IMPG1: variants seen among roughly 807,000 people sequenced by gnomAD.
The protein encoded by IMPG1 is interphotoreceptor matrix proteoglycan of 150 kDa.
In IMPG1, 85 loss-of-function variants were observed where a neutral mutation model predicts 92.0. That is an observed-to-expected ratio of 0.92 (90% confidence interval 0.78 to 1.11). IMPG1 has a LOEUF of 1.11. IMPG1 is among the 50% of genes least tolerant of loss of function. IMPG1 has a pLI of 0.00. For missense variants in IMPG1, 1,022 were observed against 956.0 expected (o/e 1.07, Z -0.91); for synonymous variants, 367 against 334.1 (o/e 1.10, Z -1.08).
intron 4 of IMPG1, among the ~76,000 whole-genome samples, chr6:76,028,266 A>C (rs572074171): frequency 2.0e-5 from 3 of 152,210 alleles, no homozygotes; most frequent in Non-Finnish European, 2.9e-5. Context: ...CATCCTTTTC[A>C]AAAGATAGTT....
At chr6:75,956,798 G>T (rs1474291208) in intron 12 of IMPG1, among the ~76,000 whole-genome samples, 2 of 152,074 alleles carry the variant, frequency 1.3e-5, no homozygotes, top group African/African-American at 4.8e-5. Flanking sequence ...TTGTGTCTTT[G>T]TTCTCATTGG....
intron 1 of IMPG1, among the ~76,000 whole-genome samples, chr6:76,064,994 A>G (rs1784283400): frequency 6.6e-6 from 1 of 152,090 alleles, no homozygotes; most frequent in Admixed American, 6.5e-5. Context: ...CAGTGAAAGC[A>G]CCCAGAACCA....
At chr6:75,927,679 G>A (rs1282228951) in intron 15 of IMPG1, among the ~76,000 whole-genome samples, 1 of 151,822 alleles carries the variant, frequency 6.6e-6, no homozygotes, top group Non-Finnish European at 1.5e-5. Flanking sequence ...GGTAATAAGG[G>A]CATTTCTCCC....
intron 2 of IMPG1, among the ~76,000 whole-genome samples, chr6:76,040,221 GCAAC>G (rs1783811736): frequency 2.0e-5 from 3 of 152,272 alleles, no homozygotes; most frequent in African/African-American, 7.2e-5. Flanking sequence ...AATGAAAGAG[GCAAC>G]CTAATCAAGA....
chr6:76,016,489 G>T (rs978452207), intron 7 of IMPG1, among the ~76,000 whole-genome samples: 1 of 152,176 alleles, frequency 6.6e-6, no homozygotes, highest in Non-Finnish European at 1.5e-5. Context: ...GTAGTTTTCT[G>T]GTTCATAAAT....
At chr6:76,053,892 CA>C (rs1019929499) in intron 1 of IMPG1, among the ~76,000 whole-genome samples, 4 of 151,964 alleles carry the variant, frequency 2.6e-5, no homozygotes, top group Admixed American at 1.3e-4. Context: ...GCATATATTA[CA>C]AAAAAAGAAT....
At chr6:75,982,699 T>C (rs902515220) in intron 12 of IMPG1, among the ~76,000 whole-genome samples, 1 of 151,884 alleles carries the variant, frequency 6.6e-6, no homozygotes, top group African/African-American at 2.4e-5. Flanking sequence ...ATAATGACTA[T>C]TTTTCTGAGC....
chr6:75,996,984 A>C (rs552317933), intron 12 of IMPG1, among the ~76,000 whole-genome samples: 113 of 152,336 alleles, frequency 7.4e-4, no homozygotes, highest in Non-Finnish European at 1.4e-3. Flanking sequence ...GAATTGCCAA[A>C]ATTTGAGGGA....
At chr6:76,015,349 G>A (rs1783266458) in intron 7 of IMPG1, among the ~76,000 whole-genome samples, 1 of 152,168 alleles carries the variant, frequency 6.6e-6, no homozygotes, top group Admixed American at 6.5e-5. Flanking sequence ...AGGGAGCCTG[G>A]GGAGGGAACA....
chr6:76,064,239 G>T (rs751961366), intron 1 of IMPG1, among the ~76,000 whole-genome samples: 7 of 152,130 alleles, frequency 4.6e-5, no homozygotes, highest in Non-Finnish European at 1.0e-4. Context: ...GCTGGGGCTT[G>T]CAGGAAAGGT....
intron 1 of IMPG1, among the ~76,000 whole-genome samples, chr6:76,056,102 A>G (rs781279280): frequency 6.6e-6 from 1 of 152,106 alleles, no homozygotes; most frequent in African/African-American, 2.4e-5. Context: ...ATAGTAGCAT[A>G]TAGAATCCAG....
At chr6:75,944,134 T>C (rs952248613) in intron 14 of IMPG1, among the ~76,000 whole-genome samples, 1 of 152,198 alleles carries the variant, frequency 6.6e-6, no homozygotes, top group African/African-American at 2.4e-5. Flanking sequence ...GAACCCAGCC[T>C]TCGCCTTTGG....
At chr6:75,989,470 A>G (rs931713031) in intron 12 of IMPG1, among the ~76,000 whole-genome samples, 4 of 152,212 alleles carry the variant, frequency 2.6e-5, no homozygotes, top group Non-Finnish European at 1.5e-5. Flanking sequence ...AAGCCCTTAA[A>G]TCAATGGCAA....
At chr6:76,023,101 T>A (rs971070059) in intron 5 of IMPG1, among the ~76,000 whole-genome samples, 2 of 152,180 alleles carry the variant, frequency 1.3e-5, no homozygotes, top group Admixed American at 6.5e-5. Context: ...GGGTGTGGAA[T>A]TGTGCTTCCT....
chr6:75,960,887 T>C lies in IMPG1; in HGVS notation c.1292-9793A>G, dbSNP rs572595912. Among the ~76,000 whole-genome samples, 4 of 152,182 alleles carry C rather than the reference T, an allele frequency of 2.6e-5. No homozygotes were observed. In the East Asian group the frequency reaches 7.7e-4, roughly 29 times the overall value. On this transcript the variant is annotated intron_variant, in intron 12 of 16. Transcript: ENST00000369950. ...TGTGTGGGTCTGTGAGGGTATGGAG[T>C]GTGTTTACGTGTATGTGTATGTGGC...
chr6:76,019,007 A>G (rs1295483101), intron 6 of IMPG1, 149 bp from the exon 7 acceptor site: 1 of 671,264 alleles, frequency 1.5e-6, no homozygotes, highest in Non-Finnish European at 2.3e-6. Flanking sequence ...TAGAACTTAG[A>G]GAAGAGCCTA....
At chr6:75,924,206 A>G (rs1462497825) in intron 15 of IMPG1, among the ~76,000 whole-genome samples, 2 of 151,124 alleles carry the variant, frequency 1.3e-5, no homozygotes, top group African/African-American at 4.9e-5. Flanking sequence ...AATTAAAAAT[A>G]GGACTACCAT....
Position 75,988,757 on chromosome 6 carries a change from T to C in IMPG1, c.1291+14161A>G, listed in dbSNP as rs141433270. On this transcript the variant is annotated intron_variant, in intron 12 of 16. Coordinates refer to ENST00000369950, the MANE Select transcript of IMPG1 (RefSeq NM_001563.4). Reference sequence around the variant, plus strand: ...CCTCTTTCCCACCTCAGGTTCTTCATGAAACATTACTCTTTTAAATCGCTT... The same window carrying C: ...CCTCTTTCCCACCTCAGGTTCTTCACGAAACATTACTCTTTTAAATCGCTT... Among the ~76,000 whole-genome samples the C allele has an allele frequency of 3.2e-3, 483 of 152,302 alleles. 4 individuals carry two copies. The highest frequency in any genetic ancestry group is 0.01 in the Middle Eastern group (3 of 294).
chr6:75,944,113 A>G (rs962486112), intron 14 of IMPG1, among the ~76,000 whole-genome samples: 1 of 152,186 alleles, frequency 6.6e-6, no homozygotes, highest in African/African-American at 2.4e-5. Flanking sequence ...CCACTTCCTG[A>G]TTACATGGGT....
Sources: allele counts gnomAD v4.1 joint callset (sites outside exome capture counted in the v4.1 genomes callset), GRCh38; gene constraint gnomAD v4.1.1; transcripts MANE v1.5; gene names NCBI Gene and HGNC (gene_info 2026-07-23, HGNC 2026-07-21).